Variants in TNNI3K observed in about 807,000 individuals in gnomAD.
TNNI3K encodes serine/threonine-protein kinase TNNI3K.
A neutral mutation model predicts 114.5 loss-of-function variants in TNNI3K; 140 were observed. The observed-to-expected ratio is 1.22, with a 90% CI of 1.07 to 1.41. The LOEUF (loss-of-function observed/expected upper bound fraction) is 1.41, where lower values mean the gene tolerates loss of function less well. Ranked by LOEUF, TNNI3K falls within the 40% of genes most tolerant of loss-of-function variation. The probability of loss-of-function intolerance (pLI) is 0.00; values close to 1 mark genes in which losing one functional copy is unlikely to be tolerated. For synonymous variants in TNNI3K, 347 were observed against 347.5 expected (o/e 1.00, Z 0.02); for missense variants, 1,125 against 1,007.6 (o/e 1.12, Z -1.58).
rs1371644833 is a variant in TNNI3K, at chr1:74,513,599, C to T, written c.2351+21333C>T. ...ATCTGCTTCATCCAGAGGCAGCTGG[C>T]GCTACTATGTGGGAGTGTTAAATGT... On this transcript the variant is annotated intron_variant, in intron 23 of 24. Transcript: ENST00000326637. Among the ~76,000 whole-genome samples, 7 of 152,168 alleles carry T rather than the reference C, an allele frequency of 4.6e-5. No individual in the cohort carries two copies. In the South Asian group the frequency reaches 6.2e-4, roughly 13 times the overall value.
chr1:74,407,593 G>C (rs1664677502), intron 17 of TNNI3K, among the ~76,000 whole-genome samples: 1 of 152,068 alleles, frequency 6.6e-6, no homozygotes, highest in Admixed American at 6.6e-5. Context: ...GTCATCTTCA[G>C]ATTTACACTT....
intron 17 of TNNI3K, among the ~76,000 whole-genome samples, chr1:74,401,096 G>T (rs967607496): frequency 1.3e-5 from 2 of 152,204 alleles, no homozygotes; most frequent in Non-Finnish European, 2.9e-5. Flanking sequence ...TTTTTAGGTA[G>T]TTGTTCTGTA....
intron 23 of TNNI3K, among the ~76,000 whole-genome samples, chr1:74,507,414 G>T (rs1259963290): frequency 6.6e-6 from 1 of 152,076 alleles, no homozygotes; most frequent in Non-Finnish European, 1.5e-5. Context: ...TGATGTCTTT[G>T]TATGTCAATT....
chr1:74,391,934 G>T (rs915025487), intron 17 of TNNI3K, among the ~76,000 whole-genome samples: 1 of 143,608 alleles, frequency 7.0e-6, no homozygotes, highest in Non-Finnish European at 1.5e-5. Flanking sequence ...GATGGTCCTT[G>T]ATTTAGGATG....
chr1:74,454,235 C>G (rs140452479), intron 20 of TNNI3K, among the ~76,000 whole-genome samples: 1 of 152,042 alleles, frequency 6.6e-6, no homozygotes, highest in Admixed American at 6.6e-5. Flanking sequence ...TAATTCTGTT[C>G]TTTAGTTGTT....
chr1:74,248,011 G>A (rs1654692588), intron 2 of TNNI3K, among the ~76,000 whole-genome samples: 1 of 152,084 alleles, frequency 6.6e-6, no homozygotes, highest in Non-Finnish European at 1.5e-5. Context: ...GGGGGTGGAG[G>A]GGCCTTGGGC....
At chr1:74,389,781 T>G (rs925586684) in intron 17 of TNNI3K, among the ~76,000 whole-genome samples, 1 of 152,194 alleles carries the variant, frequency 6.6e-6, no homozygotes, top group African/African-American at 2.4e-5. Context: ...AAGGGCTAGA[T>G]GTAAATTTCA....
At chr1:74,498,602 T>A (rs1669454574) in intron 23 of TNNI3K, among the ~76,000 whole-genome samples, 1 of 152,210 alleles carries the variant, frequency 6.6e-6, no homozygotes, top group Admixed American at 6.5e-5. Context: ...GCTTTGTATT[T>A]CTGCAATTTA....
chr1:74,395,358 G>C (rs1664022812), intron 17 of TNNI3K, among the ~76,000 whole-genome samples: 1 of 151,982 alleles, frequency 6.6e-6, no homozygotes, highest in Admixed American at 6.6e-5. Flanking sequence ...GCATGGAGTG[G>C]GACTCCAGCC....
chr1:74,331,384 T>C lies in TNNI3K; in HGVS notation c.445-66T>C, dbSNP rs150302866. The C allele has an allele frequency of 2.8e-3, 4,295 of 1,526,058 alleles. 15 individuals are homozygous for C. The highest frequency in any genetic ancestry group is 3.6e-3 in the Non-Finnish European group (4,078 of 1,122,456). The allele number at this position is 1,526,058 out of a possible 1,614,324, so 94.5% of individuals were successfully genotyped here. On this transcript the variant is annotated intron_variant, in intron 5 of 24. Coordinates refer to ENST00000326637, the MANE Select transcript of TNNI3K (RefSeq NM_015978.3). ...GATGAAGATTTGTGCATGGTGGTTG[T>C]AAACTGAATCTTAATAGGCAGATAA...
chr1:74,256,060 G>T (rs1655270852), intron 4 of TNNI3K, among the ~76,000 whole-genome samples: 1 of 152,064 alleles, frequency 6.6e-6, no homozygotes, highest in East Asian at 1.9e-4. Context: ...AAACAAAGCT[G>T]TTCTGAACAC....
chr1:74,296,932 G>T (rs1430704062), intron 5 of TNNI3K, among the ~76,000 whole-genome samples: 1 of 152,018 alleles, frequency 6.6e-6, no homozygotes, highest in Non-Finnish European at 1.5e-5. Flanking sequence ...CTTCAGATTT[G>T]TAGTATTAAT....
At chr1:74,358,508 T>C (rs1442236230) in intron 11 of TNNI3K, among the ~76,000 whole-genome samples, 2 of 151,980 alleles carry the variant, frequency 1.3e-5, no homozygotes, top group Non-Finnish European at 2.9e-5. Flanking sequence ...AAAAAATAAC[T>C]GAGAAATGAG....
chr1:74,492,312 A>G lies in TNNI3K; in HGVS notation c.2351+46A>G, dbSNP rs541630263. 3 of 1,436,746 alleles carry G rather than the reference A, an allele frequency of 2.1e-6. No homozygotes were observed. The African/African-American group carries it at 4.2e-5, about 20-fold the overall frequency. The allele number at this position is 1,436,746 out of a possible 1,614,324, so 89.0% of individuals were successfully genotyped here. On this transcript the variant is annotated intron_variant, in intron 23 of 24. Transcript: ENST00000326637. Reference sequence around the variant, plus strand: ...ATCTCACAGTAAAGTCTTATTTCAGAATCTTATCAAGACAGTCAACTGATT... The same window carrying G: ...ATCTCACAGTAAAGTCTTATTTCAGGATCTTATCAAGACAGTCAACTGATT...
At chr1:74,332,351 A>G (rs1660247249) in intron 6 of TNNI3K, among the ~76,000 whole-genome samples, 1 of 149,044 alleles carries the variant, frequency 6.7e-6, no homozygotes, top group Non-Finnish European at 1.5e-5. Context: ...CCCAGGCTGG[A>G]GTGCAGTGGC....
intron 6 of TNNI3K, among the ~76,000 whole-genome samples, chr1:74,334,894 C>G (rs1162110833): frequency 6.6e-6 from 1 of 152,084 alleles, no homozygotes; most frequent in Non-Finnish European, 1.5e-5. Context: ...AAAGTGAAGA[C>G]CTACATTATG....
chr1:74,466,021 C>T lies in TNNI3K; in HGVS notation c.2121+2471C>T, dbSNP rs537932824. Among the ~76,000 whole-genome samples, 6 of 152,266 alleles carry T rather than the reference C, an allele frequency of 3.9e-5. No individual in the cohort carries two copies. In the South Asian group the frequency reaches 6.2e-4, roughly 16 times the overall value. On this transcript the variant is annotated intron_variant, in intron 21 of 24. Transcript: ENST00000326637. ...TCTTGCTGATGTTCACTCTTTGGTCCACGCTGTGTTTATGAGCTGTAACAC... is the reference window on the plus strand; with the variant it reads ...TCTTGCTGATGTTCACTCTTTGGTCTACGCTGTGTTTATGAGCTGTAACAC...
At chr1:74,465,213 G>A (rs189671987) in intron 21 of TNNI3K, among the ~76,000 whole-genome samples, 15 of 152,302 alleles carry the variant, frequency 9.8e-5, no homozygotes, top group South Asian at 2.1e-4. Context: ...CAGCTGCACC[G>A]TGGGAACCCC....
chr1:74,264,475 A>G (rs554441460), intron 4 of TNNI3K, among the ~76,000 whole-genome samples: 1 of 152,074 alleles, frequency 6.6e-6, no homozygotes, highest in African/African-American at 2.4e-5. Flanking sequence ...AGCCTCCAAA[A>G]TTACTTTTCT....
Sources: allele counts gnomAD v4.1 joint callset (sites outside exome capture counted in the v4.1 genomes callset), GRCh38; gene constraint gnomAD v4.1.1; transcripts MANE v1.5; gene names NCBI Gene and HGNC (gene_info 2026-07-23, HGNC 2026-07-21).